The following STK32B variants were observed in gnomAD, a reference collection of about 807,000 sequenced individuals.
STK32B encodes the protein serine/threonine kinase 32B, also known as serine/threonine-protein kinase 32B.
Under a neutral mutation model 52.6 loss-of-function variants are expected in STK32B, and 43 were observed. That is an observed-to-expected ratio of 0.82 (90% CI 0.64 to 1.05). STK32B has a LOEUF of 1.05. Among genes scored for constraint, STK32B ranks in the 50% least tolerant of loss-of-function variants. The probability of loss-of-function intolerance (pLI) is 0.00; values close to 1 mark genes in which losing one functional copy is unlikely to be tolerated. For synonymous variants in STK32B, 238 were observed against 204.3 expected (o/e 1.17, Z -1.41); for missense variants, 621 against 534.6 (o/e 1.16, Z -1.59).
chr4:5,259,012 G>A (rs1726525478), intron 3 of STK32B, among the ~76,000 whole-genome samples: 1 of 152,116 alleles, frequency 6.6e-6, no homozygotes, highest in Non-Finnish European at 1.5e-5. Flanking sequence ...CTTTGAGCCT[G>A]TTGTACCCTC....
intron 1 of STK32B, among the ~76,000 whole-genome samples, chr4:5,084,993 G>A (rs1484838630): frequency 6.6e-6 from 1 of 152,140 alleles, no homozygotes; most frequent in Non-Finnish European, 1.5e-5. Context: ...GCACAAATCA[G>A]TTCCCCAGTT....
chr4:5,399,103 A>G lies in STK32B; in HGVS notation c.472+859A>G, dbSNP rs1737115051. On this transcript the variant is annotated intron_variant, in intron 5 of 11. Transcript: ENST00000282908. The surrounding 1 kb of genome is among the most constrained non-coding windows in gnomAD (Gnocchi z 5.4). ...TCAAGAATGCTCAGTGGACTTGACA[A>G]TCAATTGTGGCTGATGCCAACAGGA... is the stretch of plus-strand genomic sequence containing the variant. 6.6e-6 allele frequency among the ~76,000 whole-genome samples: 1 copy of G among 150,630 alleles called. No individual in the cohort carries two copies. Among genetic ancestry groups the G allele is most frequent in the African/African-American group, 2.4e-5 (1 of 41,368 alleles).
the STK32B span, among the ~76,000 whole-genome samples, chr4:5,028,930 G>A: frequency 1.3e-5 from 2 of 152,348 alleles, no homozygotes; most frequent in Admixed American, 6.5e-5. Context: ...ACAACCTGGT[G>A]GAAGGCAAAG....
chr4:5,058,650 C>T lies in STK32B; in HGVS notation c.52+6735C>T, dbSNP rs1013123680. On this transcript the variant is annotated intron_variant, in intron 1 of 11. Coordinates refer to ENST00000282908, the MANE Select transcript of STK32B (RefSeq NM_018401.3). The surrounding 1 kb of genome is among the most constrained non-coding windows in gnomAD (Gnocchi z 4.8). ...TGATTGTGACTCACTGCAGCCTCAA[C>T]CTCCCCGGCTCAAGCAATCCTCCTG... Among the ~76,000 whole-genome samples the T allele has an allele frequency of 2.0e-5, 3 of 152,156 alleles. No homozygotes were observed. Among genetic ancestry groups the T allele is most frequent in the African/African-American group, 7.2e-5 (3 of 41,416 alleles).
At chr4:5,057,567 G>A (rs547590793) in intron 1 of STK32B, among the ~76,000 whole-genome samples, 6 of 152,286 alleles carry the variant, frequency 3.9e-5, no homozygotes, top group African/African-American at 1.2e-4. Flanking sequence ...GGGGCCTAGA[G>A]CTTGGGGGTT....
chr4:5,399,991 G>C lies in STK32B; in HGVS notation c.472+1747G>C, dbSNP rs957858349. On this transcript the variant is annotated intron_variant, in intron 5 of 11. Transcript: ENST00000282908. This position sits in a 1 kb window ranked among gnomAD's most constrained non-coding sequence, Gnocchi z 5.4. ...CTGGGTTCCAGGCAGCATCCTCAAG[G>C]CTCTGTCCTATTAAGAGAGACCGCT... Among the ~76,000 whole-genome samples the C allele has an allele frequency of 2.0e-5, 3 of 152,150 alleles. No homozygotes were observed. The highest frequency in any genetic ancestry group is 4.4e-5 in the Non-Finnish European group (3 of 68,024).
At chr4:5,181,702 C>T (rs374454966) in intron 3 of STK32B, among the ~76,000 whole-genome samples, 35 of 152,238 alleles carry the variant, frequency 2.3e-4, no homozygotes, top group African/African-American at 7.2e-4. Context: ...GTCTAAAAAA[C>T]AAGGTACGTA....
chr4:5,021,459 G>A, the STK32B span, among the ~76,000 whole-genome samples: 2 of 152,140 alleles, frequency 1.3e-5, no homozygotes, highest in Admixed American at 1.3e-4. Flanking sequence ...ATAGTGCCTG[G>A]GGCATGGGCC....
Position 5,167,053 on chromosome 4 carries a change from C to T in STK32B, c.109-1246C>T, listed in dbSNP as rs115178052. Among the ~76,000 whole-genome samples, 328 of 152,282 alleles carry T rather than the reference C, an allele frequency of 2.2e-3. 2 individuals are homozygous for T. The highest frequency in any genetic ancestry group is 7.4e-3 in the African/African-American group (306 of 41,538). ...TCCTGCTGTGCTTGCTGTGTCTCCTCGGCTCCACGCCCTCCGTTACAGGAT... is the reference window on the plus strand; with the variant it reads ...TCCTGCTGTGCTTGCTGTGTCTCCTTGGCTCCACGCCCTCCGTTACAGGAT... On this transcript the variant is annotated intron_variant, in intron 2 of 11. Transcript: ENST00000282908.
chr4:5,360,823 C>A (rs925047515), intron 4 of STK32B, among the ~76,000 whole-genome samples: 6 of 152,226 alleles, frequency 3.9e-5, no homozygotes, highest in Admixed American at 3.9e-4. Flanking sequence ...ACAAAAACAA[C>A]AACAACAAAA....
At chr4:5,267,083 C>T (rs7682275) in intron 3 of STK32B, among the ~76,000 whole-genome samples, 12,251 of 151,758 alleles carry the variant, frequency 0.081, 1,328 homozygotes, top group African/African-American at 0.24. Flanking sequence ...ACCAGGGTGG[C>T]GTGCAATGCT....
At chr4:5,160,487 C>G (rs529216773) in intron 2 of STK32B, among the ~76,000 whole-genome samples, 22 of 152,204 alleles carry the variant, frequency 1.4e-4, no homozygotes, top group African/African-American at 4.3e-4. Context: ...CACCTCTGTC[C>G]TCATGAGACC....
At chr4:5,060,904 T>A (rs1742193239) in intron 1 of STK32B, among the ~76,000 whole-genome samples, 1 of 152,218 alleles carries the variant, frequency 6.6e-6, no homozygotes. Flanking sequence ...CCTTTTAAGC[T>A]TGTATGTTTT....
At chr4:5,161,543 G>A (rs1314858909) in intron 2 of STK32B, among the ~76,000 whole-genome samples, 1 of 152,178 alleles carries the variant, frequency 6.6e-6, no homozygotes, top group African/African-American at 2.4e-5. Context: ...GAGACCATCT[G>A]TAGTTATTCT....
At chr4:5,022,983 C>T in the STK32B span, among the ~76,000 whole-genome samples, 10 of 151,288 alleles carry the variant, frequency 6.6e-5, no homozygotes, top group East Asian at 1.4e-3. Flanking sequence ...AGTGGGGAAG[C>T]GGGGTAGGTA....
chr4:5,484,062 C>T (rs1402428040), intron 11 of STK32B, among the ~76,000 whole-genome samples: 4 of 152,146 alleles, frequency 2.6e-5, no homozygotes, highest in Admixed American at 6.5e-5. Context: ...AATGTATATT[C>T]TGTTGATTTG....
At chr4:5,249,474 CCTTCCTTCCTTCCTTCCTTCCTT>C (rs1725744628) in intron 3 of STK32B, among the ~76,000 whole-genome samples, 1 of 142,026 alleles carries the variant, frequency 7.0e-6, no homozygotes, top group Admixed American at 7.1e-5. Flanking sequence ...TTCCTTCCTT[CCTTCCTTCCTTCCTTCCTTCCTT>C]CCTTCCTCCC....
chr4:5,447,060 C>T (rs779970107), intron 7 of STK32B: 11 of 291,028 alleles, frequency 3.8e-5, no homozygotes, highest in Non-Finnish European at 6.6e-5. Flanking sequence ...AGCGCCTTGG[C>T]CTCGTGGTTT....
intron 11 of STK32B, among the ~76,000 whole-genome samples, chr4:5,477,644 G>C (rs769540317): frequency 2.2e-4 from 34 of 152,186 alleles, no homozygotes; most frequent in Non-Finnish European, 4.0e-4. Flanking sequence ...TCTTCCTGCT[G>C]CTTCTCACTC....
Sources: gnomAD v4.1 joint callset for allele counts (sites outside exome capture counted in the v4.1 genomes callset) on GRCh38, gnomAD v4.1.1 for gene constraint, Gnocchi (gnomAD v3.1) non-coding constraint, MANE v1.5 for transcripts, NCBI Gene and HGNC (gene_info 2026-07-23, HGNC 2026-07-21) for gene names.